The following CDH13 variants were observed in gnomAD, a reference collection of about 807,000 sequenced individuals.
CDH13 encodes cadherin-13.
A neutral mutation model predicts 63.8 loss-of-function variants in CDH13; 24 were observed. The ratio of observed to expected loss-of-function variants is 0.38; its 90% CI spans 0.27 to 0.53. The LOEUF (loss-of-function observed/expected upper bound fraction) is 0.53. Among genes scored for constraint, CDH13 ranks in the 20% least tolerant of loss-of-function variants. The pLI, the probability that CDH13 is intolerant of heterozygous loss-of-function variation, is 0.85. For missense variants in CDH13, 1,049 were observed against 903.1 expected (o/e 1.16, Z -2.07); for synonymous variants, 503 against 355.3 (o/e 1.42, Z -4.67).
At chr16:83,271,955 A>G (rs969514546) in intron 5 of CDH13, among the ~76,000 whole-genome samples, 3 of 152,330 alleles carry the variant, frequency 2.0e-5, no homozygotes, top group Admixed American at 1.3e-4. Flanking sequence ...TTGATCCAAT[A>G]CATCTCACAT....
In CDH13 at chr16:83,202,300, G is replaced by A. The variant is rs1271873200; in HGVS notation, c.484-15045G>A. 2.6e-5 allele frequency among the ~76,000 whole-genome samples: 4 copies of A among 152,328 alleles called. No individual in the cohort carries two copies. The East Asian group carries it at 7.7e-4, about 29-fold the overall frequency. On this transcript the variant is annotated intron_variant, in intron 4 of 13. Coordinates refer to ENST00000567109, the MANE Select transcript of CDH13 (RefSeq NM_001257.5). The stretch of plus-strand genomic sequence containing the variant: ...GGGGAAAACGGCTGCAAAATAGGAT[G>A]AGGGGATGTGGACAAACTCAGCAAA...
chr16:82,637,288 T>C (rs1908769241), intron 1 of CDH13, among the ~76,000 whole-genome samples: 2 of 152,204 alleles, frequency 1.3e-5, no homozygotes, highest in Non-Finnish European at 2.9e-5. Context: ...GCAGTATTGA[T>C]TCCGAACGTG....
chr16:83,326,301 C>T (rs557975623), intron 5 of CDH13, among the ~76,000 whole-genome samples: 95 of 152,246 alleles, frequency 6.2e-4, no homozygotes, highest in Non-Finnish European at 1.1e-3. Context: ...TCTTCTATCC[C>T]ATCACTATCT....
chr16:83,674,722 C>T (rs1459001955), intron 9 of CDH13, among the ~76,000 whole-genome samples: 1 of 152,234 alleles, frequency 6.6e-6, no homozygotes, highest in Non-Finnish European at 1.5e-5. Context: ...AGGACCAAAT[C>T]CCAGTGGCTC....
At chr16:83,523,989 C>G (rs1242726912) in intron 7 of CDH13, among the ~76,000 whole-genome samples, 1 of 152,210 alleles carries the variant, frequency 6.6e-6, no homozygotes, top group Admixed American at 6.5e-5. Context: ...ATTTGCACCT[C>G]TCAACCAAGA....
rs563325264 is a variant in CDH13, at chr16:82,783,556, T to G, written c.46-74806T>G. 7.3e-4 allele frequency among the ~76,000 whole-genome samples: 111 copies of G among 152,326 alleles called. 1 individual carries two copies. The highest frequency in any genetic ancestry group is 2.6e-3 in the African/African-American group (107 of 41,572). The stretch of plus-strand genomic sequence containing the variant: ...CAGCCCTGAGGATGTAGAGAAAAAC[T>G]TCTTACTCCTTTGAAAAATGTGTGC... On this transcript the variant is annotated intron_variant, in intron 1 of 13. Coordinates refer to ENST00000567109, the MANE Select transcript of CDH13 (RefSeq NM_001257.5).
At chr16:82,732,886 A>G (rs570712504) in intron 1 of CDH13, among the ~76,000 whole-genome samples, 3 of 152,332 alleles carry the variant, frequency 2.0e-5, no homozygotes, top group Non-Finnish European at 4.4e-5. Flanking sequence ...GAAGAGTCTG[A>G]TGGGGAAACT....
intron 1 of CDH13, among the ~76,000 whole-genome samples, chr16:82,837,878 A>G (rs2038836253): frequency 1.3e-5 from 2 of 152,180 alleles, no homozygotes; most frequent in African/African-American, 2.4e-5. Flanking sequence ...GCATGGGAAT[A>G]CTCTCCAAAC....
intron 1 of CDH13, among the ~76,000 whole-genome samples, chr16:82,801,968 GCAATA>G (rs1567549759): frequency 4.6e-5 from 7 of 152,184 alleles, no homozygotes; most frequent in Non-Finnish European, 8.8e-5. Context: ...TAAGTGGAAG[GCAATA>G]CAGTGTGTGT....
intron 2 of CDH13, among the ~76,000 whole-genome samples, chr16:83,019,462 A>T (rs1356811122): frequency 2.7e-5 from 4 of 150,302 alleles, no homozygotes; most frequent in Non-Finnish European, 5.9e-5. Context: ...CTCCTGAAGG[A>T]CTTGCCTGAG....
intron 6 of CDH13, among the ~76,000 whole-genome samples, chr16:83,458,677 C>G (rs1444435551): frequency 6.6e-6 from 1 of 152,134 alleles, no homozygotes; most frequent in East Asian, 1.9e-4. Context: ...GTTTTGCAAA[C>G]CCAGGCCACC....
chr16:82,672,780 CACACACACACACACACACACAT>C (rs1439660175), intron 1 of CDH13, among the ~76,000 whole-genome samples: 2 of 149,050 alleles, frequency 1.3e-5, no homozygotes, highest in African/African-American at 2.5e-5. Context: ...CACACACACA[CACACACACACACACACACACAT>C]ACACACACAC....
intron 5 of CDH13, among the ~76,000 whole-genome samples, chr16:83,340,992 G>A (rs2151357230): frequency 6.6e-6 from 1 of 152,238 alleles, no homozygotes. Context: ...GGCCTGGGTG[G>A]TTTCCATTTC....
At chr16:82,761,813 G>C (rs1349479123) in intron 1 of CDH13, among the ~76,000 whole-genome samples, 1 of 152,098 alleles carries the variant, frequency 6.6e-6, no homozygotes, top group South Asian at 2.1e-4. Flanking sequence ...ATGTCTAAAA[G>C]ATTTTTTTAT....
At chr16:82,682,422 G>A (rs1054003427) in intron 1 of CDH13, among the ~76,000 whole-genome samples, 20 of 152,202 alleles carry the variant, frequency 1.3e-4, no homozygotes, top group Non-Finnish European at 2.2e-4. Context: ...CCTATTGGAG[G>A]CAGGCACTGG....
chr16:82,875,787 G>A (rs1343844529), intron 2 of CDH13, among the ~76,000 whole-genome samples: 2 of 152,186 alleles, frequency 1.3e-5, no homozygotes, highest in African/African-American at 4.8e-5. Flanking sequence ...AATAGTAAAG[G>A]AGTGTTAGAA....
chr16:83,049,061 T>A (rs1430164515), intron 3 of CDH13, among the ~76,000 whole-genome samples: 2 of 152,120 alleles, frequency 1.3e-5, no homozygotes, highest in Non-Finnish European at 2.9e-5. Flanking sequence ...CTGCTTGAAG[T>A]CTCTGAAGCA....
At chr16:83,741,851 G>C (rs1303924068) in intron 10 of CDH13, among the ~76,000 whole-genome samples, 3 of 152,150 alleles carry the variant, frequency 2.0e-5, no homozygotes, top group Non-Finnish European at 2.9e-5. Context: ...ATTGTTATTG[G>C]AGCACAAATC....
chr16:82,797,645 T>C (rs1048953074), intron 1 of CDH13, among the ~76,000 whole-genome samples: 1 of 152,076 alleles, frequency 6.6e-6, no homozygotes, highest in Non-Finnish European at 1.5e-5. Flanking sequence ...TTTACCTGTT[T>C]AGGAAAAAAA....
Sources: allele counts gnomAD v4.1 joint callset (sites outside exome capture counted in the v4.1 genomes callset), GRCh38; gene constraint gnomAD v4.1.1; transcripts MANE v1.5; gene names NCBI Gene and HGNC (gene_info 2026-07-23, HGNC 2026-07-21).